TNIK: variants seen among roughly 807,000 people sequenced by gnomAD.
TNIK encodes the protein TRAF2 and NCK interacting kinase, also known as TRAF2 and NCK-interacting protein kinase.
TNIK carries 49 observed loss-of-function variants against 191.3 expected under a neutral mutation model. The observed-to-expected ratio is 0.26, with a 90% CI of 0.20 to 0.32. The LOEUF (loss-of-function observed/expected upper bound fraction) is 0.32. Ranked by LOEUF, TNIK falls within the 10% of genes least tolerant of loss-of-function variation. The pLI is 1.00. For synonymous variants in TNIK, 594 were observed against 600.9 expected (o/e 0.99, Z 0.17); for missense variants, 1,155 against 1,702.3 (o/e 0.68, Z 5.66).
chr3:171,108,014 G>A (rs1301374637), intron 20 of TNIK, 51 bp downstream of exon 20: 1 of 1,533,822 alleles, frequency 6.5e-7, no homozygotes. Flanking sequence ...TAATCCTGTG[G>A]GTTCTCTGGT....
intron 22 of TNIK, among the ~76,000 whole-genome samples, chr3:171,096,433 G>A (rs759637812): frequency 4.6e-5 from 7 of 151,836 alleles, no homozygotes; most frequent in Non-Finnish European, 7.4e-5. Flanking sequence ...TCCTTACTGT[G>A]GCTTACAAGC....
At chr3:171,160,563 T>C (rs1219258029) in intron 11 of TNIK, among the ~76,000 whole-genome samples, 1 of 151,778 alleles carries the variant, frequency 6.6e-6, no homozygotes, top group Non-Finnish European at 1.5e-5. Flanking sequence ...CTGCCCTCCT[T>C]GACTCAACAA....
At chr3:171,444,303 T>C (rs1037267474) in intron 1 of TNIK, among the ~76,000 whole-genome samples, 52 of 152,330 alleles carry the variant, frequency 3.4e-4, no homozygotes, top group African/African-American at 1.2e-3. Flanking sequence ...AAGGAAATCT[T>C]CAACCTGCTG....
intron 4 of TNIK, among the ~76,000 whole-genome samples, chr3:171,206,059 T>TAC (rs1209020145): frequency 8.5e-5 from 13 of 152,186 alleles, no homozygotes. Context: ...CTCCACCAGG[T>TAC]ACTTACTAGC....
intron 15 of TNIK, among the ~76,000 whole-genome samples, chr3:171,129,195 A>G (rs1228288332): frequency 6.6e-6 from 1 of 152,196 alleles, no homozygotes; most frequent in Non-Finnish European, 1.5e-5. Flanking sequence ...ATTGGTCGCA[A>G]TGCCATGGGG....
chr3:171,264,651 A>T (rs1748154524), intron 2 of TNIK, among the ~76,000 whole-genome samples: 2 of 151,810 alleles, frequency 1.3e-5, no homozygotes, highest in Admixed American at 6.6e-5. Flanking sequence ...GTTCCCTCAC[A>T]CTCTCCAGAA....
intron 29 of TNIK, 104 bp downstream of exon 29, chr3:171,071,119 T>C: frequency 1.4e-6 from 1 of 724,572 alleles, no homozygotes; most frequent in Non-Finnish European, 2.1e-6. Flanking sequence ...ACAGGTTTAT[T>C]ATCTATATGA....
intron 1 of TNIK, among the ~76,000 whole-genome samples, chr3:171,406,576 T>C (rs1238363073): frequency 6.6e-6 from 1 of 152,130 alleles, no homozygotes; most frequent in Non-Finnish European, 1.5e-5. Context: ...ACTACAGGCA[T>C]GCACTACCAC....
chr3:171,218,745 T>C (rs942690578), intron 3 of TNIK, among the ~76,000 whole-genome samples: 2 of 146,586 alleles, frequency 1.4e-5, no homozygotes, highest in African/African-American at 2.5e-5. Context: ...TTGTATACAC[T>C]ATATATGCAT....
At chr3:171,149,670 C>T (rs937349020) in intron 12 of TNIK, among the ~76,000 whole-genome samples, 58 of 152,130 alleles carry the variant, frequency 3.8e-4, no homozygotes, top group African/African-American at 1.3e-3. Context: ...CATGTGCATG[C>T]GATTACTGAC....
chr3:171,333,845 G>A (rs1172998243), intron 2 of TNIK, among the ~76,000 whole-genome samples: 1 of 152,222 alleles, frequency 6.6e-6, no homozygotes, highest in African/African-American at 2.4e-5. Flanking sequence ...ATACAGCACA[G>A]GGAGCGCCTC....
chr3:171,260,114 C>T (rs1747411895), intron 2 of TNIK, among the ~76,000 whole-genome samples: 1 of 152,100 alleles, frequency 6.6e-6, no homozygotes, highest in Non-Finnish European at 1.5e-5. Flanking sequence ...CCACCATGCC[C>T]CAGGTGATGT....
chr3:171,171,584 T>G (rs1560212787), intron 9 of TNIK, among the ~76,000 whole-genome samples: 1 of 152,224 alleles, frequency 6.6e-6, no homozygotes, highest in Non-Finnish European at 1.5e-5. Flanking sequence ...CTGCTTTGCC[T>G]GTGTGGGCTC....
At position 171,438,722 on chromosome 3, in the gene TNIK, A is replaced by G. The variant is rs377413851; in HGVS notation, c.57+21285T>C. Among the ~76,000 whole-genome samples, 10 of 152,176 alleles carry G rather than the reference A, an allele frequency of 6.6e-5. No homozygotes were observed. In the East Asian group the frequency reaches 7.7e-4, roughly 12 times the overall value. ...CTAGATGATGAACCAAACCTCCCTGATATGTTTTTCATAAGAAAGTGTCTT... is the reference window on the plus strand; with the variant it reads ...CTAGATGATGAACCAAACCTCCCTGGTATGTTTTTCATAAGAAAGTGTCTT... On this transcript the variant is annotated intron_variant, in intron 1 of 32. Transcript: ENST00000436636.
chr3:171,060,688 C>A lies in TNIK; in HGVS notation c.*3193G>T, dbSNP rs1336573896. Among the ~76,000 whole-genome samples, 1 of 152,190 alleles carries A rather than the reference C, an allele frequency of 6.6e-6. No homozygotes were observed. The highest frequency in any genetic ancestry group is 6.5e-5 in the Admixed American group (1 of 15,276). On this transcript the variant is annotated 3_prime_UTR_variant, in exon 33 of 33. Transcript: ENST00000436636. ...TGTTATGACAGTGGTCTGGCTGGAACTGGCAGGGGGAAGAGCCTCATTATT... is the reference window on the plus strand; with the variant it reads ...TGTTATGACAGTGGTCTGGCTGGAAATGGCAGGGGGAAGAGCCTCATTATT...
At chr3:171,345,531 G>A (rs1359780552) in intron 2 of TNIK, among the ~76,000 whole-genome samples, 2 of 151,874 alleles carry the variant, frequency 1.3e-5, no homozygotes, top group African/African-American at 4.8e-5. Context: ...AAGTATCTAT[G>A]GTTATGGATT....
chr3:171,288,620 A>G (rs1281488559), intron 2 of TNIK, among the ~76,000 whole-genome samples: 36 of 152,078 alleles, frequency 2.4e-4, no homozygotes, highest in Non-Finnish European at 7.4e-5. Context: ...CATCCTGGCT[A>G]ACATGGTAAA....
At chr3:171,225,102 G>A (rs1742808577) in intron 3 of TNIK, among the ~76,000 whole-genome samples, 1 of 152,232 alleles carries the variant, frequency 6.6e-6, no homozygotes, top group East Asian at 1.9e-4. Flanking sequence ...GACGACCTTT[G>A]AGAATTCATT....
At chr3:171,230,219 G>A (rs1012730076) in intron 2 of TNIK, among the ~76,000 whole-genome samples, 1 of 152,214 alleles carries the variant, frequency 6.6e-6, no homozygotes, top group Non-Finnish European at 1.5e-5. Flanking sequence ...CAAGGAAGAA[G>A]TAGCAACAGC....
Sources: gnomAD v4.1 joint callset for allele counts (sites outside exome capture counted in the v4.1 genomes callset) on GRCh38, gnomAD v4.1.1 for gene constraint, MANE v1.5 for transcripts, NCBI Gene and HGNC (gene_info 2026-07-23, HGNC 2026-07-21) for gene names.